Variants in PES1 observed in about 807,000 individuals in gnomAD.
PES1 encodes pescadillo homolog.
In PES1, 31 loss-of-function variants were observed where a neutral mutation model predicts 77.1. The ratio of observed to expected loss-of-function variants is 0.40; its 90% CI spans 0.30 to 0.54. PES1 has a LOEUF of 0.54. Among genes scored for constraint, PES1 ranks in the 20% least tolerant of loss-of-function variants. PES1 has a pLI of 0.45. For missense variants in PES1, 658 were observed against 771.7 expected, an observed-to-expected ratio of 0.85 and a Z score of 1.75; for synonymous variants, 282 against 303.0, an observed-to-expected ratio of 0.93 and a Z score of 0.72.
intron 2 of PES1, among the ~76,000 whole-genome samples, chr22:30,600,816 CAAA>C (rs2087343324): frequency 6.6e-6 from 1 of 151,876 alleles, no homozygotes; most frequent in Admixed American, 6.6e-5. Context: ...GACTCCATCT[CAAA>C]AACAAAACAA....
intron 1 of PES1, among the ~76,000 whole-genome samples, chr22:30,590,943 T>G (rs986163014): frequency 5.3e-5 from 8 of 152,226 alleles, no homozygotes; most frequent in Admixed American, 5.2e-4. Flanking sequence ...GGATACTCAA[T>G]GTAGTGTGTT....
At chr22:30,600,345 T>C (rs2087336484) in intron 2 of PES1, among the ~76,000 whole-genome samples, 1 of 152,142 alleles carries the variant, frequency 6.6e-6, no homozygotes, top group Non-Finnish European at 1.5e-5. Context: ...GGGGGTAGGT[T>C]TGCATGTAGC....
intron 6 of PES1, among the ~76,000 whole-genome samples, chr22:30,582,692 G>A (rs1046473639): frequency 6.6e-6 from 1 of 152,164 alleles, no homozygotes; most frequent in Non-Finnish European, 1.5e-5. Context: ...CTATTCTGCT[G>A]CCAGACAGTG....
chr22:30,578,697 G>A, intron 14 of PES1, 140 bp downstream of exon 14: 2 of 987,316 alleles, frequency 2.0e-6, no homozygotes, highest in Non-Finnish European at 3.0e-6. Context: ...CAAAGGCTGG[G>A]CTGGGCCAGG....
intron 2 of PES1, among the ~76,000 whole-genome samples, chr22:30,597,624 A>G (rs1027841115): frequency 3.3e-5 from 5 of 151,294 alleles, no homozygotes; most frequent in South Asian, 2.1e-4. Flanking sequence ...GTTTGTAAAT[A>G]CACCAATTAG....
At chr22:30,602,723 C>T (rs1398822386) in intron 2 of PES1, among the ~76,000 whole-genome samples, 6 of 152,070 alleles carry the variant, frequency 3.9e-5, no homozygotes, top group East Asian at 1.9e-4. Flanking sequence ...AAAGGCATCA[C>T]CTCTTCTTGA....
At chr22:30,578,688 A>G in intron 14 of PES1, 149 bp downstream of exon 14, 1 of 925,740 alleles carries the variant, frequency 1.1e-6, no homozygotes, top group South Asian at 1.6e-5. Flanking sequence ...CGGGGGCCCC[A>G]AAGGCTGGGC....
At chr22:30,583,006 G>C (rs546984674) in intron 6 of PES1, among the ~76,000 whole-genome samples, 8 of 152,334 alleles carry the variant, frequency 5.3e-5, no homozygotes, top group Non-Finnish European at 1.0e-4. Flanking sequence ...GGAGGAAAGG[G>C]GAATGCGTGG....
upstream of PES1, among the ~76,000 whole-genome samples, chr22:30,593,423 G>A (rs117161174): frequency 3.7e-4 from 56 of 152,170 alleles, 1 homozygote; most frequent in East Asian, 8.5e-3. Flanking sequence ...GGAGGTAGAT[G>A]TTGCAGTGAG....
Position 30,588,080 on chromosome 22 carries a change from T to C in PES1, c.199A>G (p.Ile67Val). Residue 67 changes from isoleucine to valine, a missense_variant, in exon 3 of 15, where the codon ATC (isoleucine) becomes GTC (valine). Physicochemically the swap from Ile to Val is conservative, Grantham distance 29. Coordinates refer to ENST00000354694, the MANE Select transcript of PES1 (RefSeq NM_014303.4). Reference protein sequence around the residue: ...GSTAARTFYLIKDIRFLLHEP... With the variant: ...GSTAARTFYLVKDIRFLLHEP... ...TGGAGGAGAAACCTGATGTCTTTGA[T>C]AAGGTAAAACGTTCGGGCTGCTGTA... The C allele has an allele frequency of 6.2e-7, 1 of 1,614,236 alleles. No homozygotes were observed.
At chr22:30,592,008 A>T (rs1434257281), upstream of PES1, 1 of 1,379,894 alleles carries the variant, frequency 7.2e-7, no homozygotes, top group African/African-American at 1.5e-5. Context: ...CCTCCTCAAG[A>T]TTTAAAACTA....
At position 30,579,831 on chromosome 22, in the gene PES1, G is replaced by A. The variant is rs1381385794; in HGVS notation, c.1274C>T (p.Pro425Leu). 6.2e-7 allele frequency: 1 copy of A among 1,613,956 alleles called. No homozygotes were observed. Among genetic ancestry groups the A allele is most frequent in the Non-Finnish European group, 8.5e-7 (1 of 1,180,032 alleles). The change falls in exon 12 of 15, where the codon CCC (proline) becomes CTC (leucine). Residue 425 changes from proline (P) to leucine (L), a missense_variant. By Grantham distance (98) the Pro-to-Leu change is moderately conservative. Transcript: ENST00000354694. Reference sequence around the variant, plus strand: ...ATCTCCTTCCTTCTCGGTCACAAAGGGTGAAAGGTGTGGGGGCAGCTGCAC... The same window carrying A: ...ATCTCCTTCCTTCTCGGTCACAAAGAGTGAAAGGTGTGGGGGCAGCTGCAC... The part of the protein sequence containing the change: ...SGVQLPPHLS[P>L]FVTEKEGDYV...
chr22:30,592,343 C>G, upstream of PES1: 1 of 989,774 alleles, frequency 1.0e-6, no homozygotes, highest in South Asian at 4.6e-5. Flanking sequence ...CAGGGTGAGA[C>G]TGCGCTGAGT....
intron 2 of PES1, among the ~76,000 whole-genome samples, chr22:30,598,885 A>AATTT (rs1555892987): frequency 2.0e-5 from 1 of 51,190 alleles, no homozygotes; most frequent in Non-Finnish European, 3.4e-5. Flanking sequence ...CTTAAGTAAA[A>AATTT]TTTTTTTTTT....
upstream of PES1, among the ~76,000 whole-genome samples, chr22:30,593,367 AC>A (rs2087210591): frequency 1.3e-5 from 2 of 152,152 alleles, no homozygotes; most frequent in South Asian, 4.2e-4. Flanking sequence ...GGCACCTGTA[AC>A]CCCAGCTAGT....
chr22:30,603,500 A>G (rs1276639504), intron 2 of PES1, among the ~76,000 whole-genome samples: 1 of 151,036 alleles, frequency 6.6e-6, no homozygotes, highest in African/African-American at 2.4e-5. Flanking sequence ...TCCCGCCTCA[A>G]CCTCCCAAGT....
upstream of PES1, chr22:30,591,945 G>C: frequency 6.9e-7 from 1 of 1,448,782 alleles, no homozygotes; most frequent in Non-Finnish European, 9.1e-7. Flanking sequence ...CTGTCTGTTT[G>C]TGCGGGCTGC....
upstream of PES1, among the ~76,000 whole-genome samples, chr22:30,594,789 T>C (rs534774352): frequency 7.9e-5 from 12 of 152,076 alleles, no homozygotes; most frequent in African/African-American, 2.9e-4. Context: ...GACAACATAG[T>C]GAGACCCTCA....
chr22:30,597,876 A>ATTTTTTTTTTTTTTTTTTTTTT (rs1210779167), intron 2 of PES1, among the ~76,000 whole-genome samples: 18 of 125,076 alleles, frequency 1.4e-4, no homozygotes, highest in African/African-American at 5.6e-4. Flanking sequence ...ACGCAGTTGA[A>ATTTTTTTTTTTTTTTTTTTTTT]GTTTTGTTTT....
Sources: allele counts gnomAD v4.1 joint callset (sites outside exome capture counted in the v4.1 genomes callset), GRCh38; gene constraint gnomAD v4.1.1; transcripts MANE v1.5; gene names NCBI Gene and HGNC (gene_info 2026-07-23, HGNC 2026-07-21).